CSNK1A1: variants seen among roughly 807,000 people sequenced by gnomAD.
CSNK1A1 encodes casein kinase 1 alpha 1.
Under a neutral mutation model 46.1 loss-of-function variants are expected in CSNK1A1, and 7 were observed. The ratio of observed to expected loss-of-function variants is 0.15; its 90% CI spans 0.09 to 0.29. The LOEUF is 0.29. Ranked by LOEUF, CSNK1A1 falls within the 10% of genes least tolerant of loss-of-function variation. The pLI is 1.00. For synonymous variants in CSNK1A1, 137 were observed against 141.5 expected (o/e 0.97, Z 0.23); for missense variants, 96 against 417.1 (o/e 0.23, Z 6.71).
chr5:149,502,441 C>G, intron 9 of CSNK1A1: 2 of 419,176 alleles, frequency 4.8e-6, no homozygotes, highest in Non-Finnish European at 6.3e-6. Context: ...CTCCAGGGCT[C>G]AGGTGATACT....
At chr5:149,504,658 T>A (rs1760971019) in intron 9 of CSNK1A1, 2 of 985,322 alleles carry the variant, frequency 2.0e-6, no homozygotes, top group Admixed American at 1.2e-4. Flanking sequence ...ACTAGCGGTT[T>A]CAATGGCATT....
chr5:149,518,181 C>T (rs1446718537), intron 4 of CSNK1A1, among the ~76,000 whole-genome samples: 1 of 152,036 alleles, frequency 6.6e-6, no homozygotes, highest in Non-Finnish European at 1.5e-5. Flanking sequence ...GAATTTAGAT[C>T]TGCAATCTTT....
At chr5:149,502,047 A>T in intron 9 of CSNK1A1, 1 of 983,320 alleles carries the variant, frequency 1.0e-6, no homozygotes, top group African/African-American at 1.7e-5. Context: ...TCTAAAGAAT[A>T]TAAGGAAGGC....
Position 149,495,744 on chromosome 5 carries a change from T to C in CSNK1A1, c.*1109A>G, listed in dbSNP as rs200358530. ...TACTAGATATTGTGCCTGCAAGTCA[T>C]AAAAAAAAAAAAAAAAAAAGAAAAA... On this transcript the variant is annotated 3_prime_UTR_variant, in exon 10 of 10. Coordinates refer to ENST00000377843, the MANE Select transcript of CSNK1A1 (RefSeq NM_001892.6). 1.1e-3 allele frequency: 103 copies of C among 92,750 alleles called. 1 individual carries two copies. Among genetic ancestry groups the C allele is most frequent in the African/African-American group, 3.8e-3 (98 of 25,902 alleles). 5.7% of individuals were successfully genotyped at this position (92,750 alleles called of 1,614,324 possible).
At chr5:149,527,206 C>T (rs936276595) in intron 2 of CSNK1A1, among the ~76,000 whole-genome samples, 2 of 151,992 alleles carry the variant, frequency 1.3e-5, no homozygotes, top group African/African-American at 4.8e-5. Flanking sequence ...TGGCTCACTG[C>T]AACCTCTGCC....
intron 9 of CSNK1A1, chr5:149,503,782 A>G: frequency 8.1e-6 from 8 of 985,426 alleles, no homozygotes; most frequent in Non-Finnish European, 9.6e-6. Flanking sequence ...ACTAACTTAA[A>G]ATAAGGTAAT....
At chr5:149,529,518 A>G (rs761358867) in intron 2 of CSNK1A1, 12 of 284,358 alleles carry the variant, frequency 4.2e-5, no homozygotes, top group Non-Finnish European at 7.2e-5. Context: ...AAATCTGTCT[A>G]AAGAGGTATT....
intron 3 of CSNK1A1, among the ~76,000 whole-genome samples, chr5:149,522,118 T>C (rs1490509383): frequency 6.6e-6 from 1 of 151,920 alleles, no homozygotes; most frequent in Non-Finnish European, 1.5e-5. Flanking sequence ...TGTTTTTTTG[T>C]TTTTTTTGAG....
intron 3 of CSNK1A1, 115 bp from the exon 4 acceptor site, chr5:149,520,503 A>C (rs1761534744): frequency 1.6e-6 from 1 of 619,082 alleles, no homozygotes; most frequent in South Asian, 2.2e-5. Context: ...GCGCTAAAGA[A>C]AATGAAATGG....
intron 2 of CSNK1A1, among the ~76,000 whole-genome samples, chr5:149,548,942 T>C (rs1023268601): frequency 1.3e-5 from 2 of 152,228 alleles, no homozygotes; most frequent in African/African-American, 2.4e-5. Context: ...TGCTGGAAAA[T>C]AGCTGGGCTT....
At chr5:149,532,105 C>T (rs1761920263) in intron 2 of CSNK1A1, among the ~76,000 whole-genome samples, 1 of 152,070 alleles carries the variant, frequency 6.6e-6, no homozygotes, top group Non-Finnish European at 1.5e-5. Context: ...TTTTGAACTC[C>T]TGGCCTCACG....
In CSNK1A1 at chr5:149,496,155, T is replaced by G. The variant is rs1386997755; in HGVS notation, c.*698A>C. 6.6e-6 allele frequency: 1 copy of G among 151,306 alleles called. No individual in the cohort carries two copies. The highest frequency in any genetic ancestry group is 2.1e-4 in the South Asian group (1 of 4,788). The allele number at this position is 151,306 out of a possible 1,614,324, so 9.4% of individuals were successfully genotyped here. A position where few individuals can be genotyped will look rare whatever the true frequency, so the allele number is the denominator to read the frequency against. On this transcript the variant is annotated 3_prime_UTR_variant, in exon 10 of 10. Transcript: ENST00000377843. ...AACTAAATTTCTGTGACAAATATGC[T>G]TTTTTTTTAATACCAAGAACATTAT... is the stretch of plus-strand genomic sequence containing the variant.
At chr5:149,548,021 C>T (rs576942958) in intron 2 of CSNK1A1, among the ~76,000 whole-genome samples, 34 of 152,138 alleles carry the variant, frequency 2.2e-4, no homozygotes, top group African/African-American at 7.2e-4. Flanking sequence ...CAGGCACGTG[C>T]CACCATGCTC....
At chr5:149,533,132 G>C (rs920880695) in intron 2 of CSNK1A1, among the ~76,000 whole-genome samples, 2 of 152,024 alleles carry the variant, frequency 1.3e-5, no homozygotes, top group Admixed American at 1.3e-4. Context: ...AAGATATGTA[G>C]ATGTTCCTTA....
At chr5:149,504,515 G>A (rs1005072501) in intron 9 of CSNK1A1, 1 of 985,290 alleles carries the variant, frequency 1.0e-6, no homozygotes, top group East Asian at 1.1e-4. Context: ...GGTATCAGGA[G>A]GTAAGCCCCA....
chr5:149,514,419 G>A (rs1358445151), intron 4 of CSNK1A1, among the ~76,000 whole-genome samples: 5 of 151,970 alleles, frequency 3.3e-5, no homozygotes, highest in Admixed American at 6.6e-5. Flanking sequence ...TAAAATTTTG[G>A]CTTTTGTCAT....
At chr5:149,549,439 T>C in intron 2 of CSNK1A1, 1 of 702,180 alleles carries the variant, frequency 1.4e-6, no homozygotes, top group Non-Finnish European at 2.6e-6. Context: ...CTATGCCATC[T>C]CCTTCCTCGA....
At chr5:149,547,621 T>C (rs192445721) in intron 2 of CSNK1A1, among the ~76,000 whole-genome samples, 19 of 152,048 alleles carry the variant, frequency 1.2e-4, no homozygotes, top group Non-Finnish European at 1.9e-4. Context: ...GGAAAAACTA[T>C]AGTAATGGAA....
chr5:149,501,626 T>C, intron 9 of CSNK1A1: 1 of 985,202 alleles, frequency 1.0e-6, no homozygotes, highest in Non-Finnish European at 1.2e-6. Flanking sequence ...TTAGTAACTA[T>C]GGTTAGGGTA....
Sources: gnomAD v4.1 joint callset for allele counts (sites outside exome capture counted in the v4.1 genomes callset) on GRCh38, gnomAD v4.1.1 for gene constraint, MANE v1.5 for transcripts, NCBI Gene and HGNC (gene_info 2026-07-23, HGNC 2026-07-21) for gene names.